The following SAMD12 variants were observed in gnomAD, a reference collection of about 807,000 sequenced individuals.
The protein encoded by SAMD12 is sterile alpha motif domain containing 12.
A neutral mutation model predicts 15.0 loss-of-function variants in SAMD12; 9 were observed. The observed-to-expected ratio is 0.60, with a 90% CI of 0.36 to 1.05. SAMD12 has a LOEUF of 1.05. Ranked by LOEUF, SAMD12 falls within the 50% of genes least tolerant of loss-of-function variation. SAMD12 has a pLI of 0.01. For missense variants in SAMD12, 230 were observed against 234.2 expected (o/e 0.98, Z 0.12); for synonymous variants, 86 against 90.1 (o/e 0.96, Z 0.25).
chr8:118,425,189 T>C (rs56066957), intron 3 of SAMD12, among the ~76,000 whole-genome samples: 1,550 of 152,192 alleles, frequency 0.01, 26 homozygotes, highest in African/African-American at 0.035. Context: ...CTGCCCGCCT[T>C]GGCCTCCCAA....
At chr8:118,214,072 C>G (rs1327753348) in intron 4 of SAMD12, among the ~76,000 whole-genome samples, 2 of 152,148 alleles carry the variant, frequency 1.3e-5, no homozygotes, top group African/African-American at 4.8e-5. Context: ...TACTGTCAAG[C>G]TTTTTTAGAT....
At chr8:118,325,423 TC>T (rs1328779359) in intron 4 of SAMD12, among the ~76,000 whole-genome samples, 32 of 152,020 alleles carry the variant, frequency 2.1e-4, no homozygotes, top group Admixed American at 2.1e-3. Flanking sequence ...ATTTCTTTGC[TC>T]CCCCGGGTTT....
chr8:118,343,549 GC>G (rs1382872101), intron 4 of SAMD12, among the ~76,000 whole-genome samples: 1 of 152,102 alleles, frequency 6.6e-6, no homozygotes, highest in Non-Finnish European at 1.5e-5. Flanking sequence ...AACAGGAGGG[GC>G]TGGGTTGGGA....
intron 4 of SAMD12, among the ~76,000 whole-genome samples, chr8:118,254,483 T>C (rs1812888468): frequency 6.6e-6 from 1 of 152,188 alleles, no homozygotes; most frequent in South Asian, 2.1e-4. Flanking sequence ...TCCTGTGTCA[T>C]CATCCATCTC....
At chr8:118,493,518 T>A (rs183931271) in intron 2 of SAMD12, among the ~76,000 whole-genome samples, 1 of 152,320 alleles carries the variant, frequency 6.6e-6, no homozygotes, top group African/African-American at 2.4e-5. Context: ...AATATCCATG[T>A]TCTATCCCTT....
At chr8:118,398,164 G>A (rs968372715) in intron 3 of SAMD12, among the ~76,000 whole-genome samples, 2 of 152,164 alleles carry the variant, frequency 1.3e-5, no homozygotes, top group African/African-American at 4.8e-5. Context: ...CACTTTGGGA[G>A]GCCGGGCAGA....
chr8:118,132,972 G>GTATATATATATA, the SAMD12 span, among the ~76,000 whole-genome samples: 2 of 48,254 alleles, frequency 4.1e-5, no homozygotes, highest in Non-Finnish European at 8.9e-5. Context: ...GTGTGTGTGT[G>GTATATATATATA]TATATATATA....
At chr8:118,456,219 G>C (rs1271928503) in intron 2 of SAMD12, among the ~76,000 whole-genome samples, 1 of 152,040 alleles carries the variant, frequency 6.6e-6, no homozygotes, top group Non-Finnish European at 1.5e-5. Flanking sequence ...CTTACTTTAG[G>C]GTGAGTAATG....
intron 2 of SAMD12, among the ~76,000 whole-genome samples, chr8:118,507,581 T>C (rs4242581): frequency 0.63 from 96,275 of 151,996 alleles, 30,679 homozygotes; most frequent in South Asian, 0.71. Flanking sequence ...TGCTGAACTA[T>C]GATATCAATA....
At chr8:118,554,423 T>C (rs1192835625) in intron 2 of SAMD12, among the ~76,000 whole-genome samples, 1 of 151,388 alleles carries the variant, frequency 6.6e-6, no homozygotes, top group East Asian at 1.9e-4. Context: ...CTCAGTAAAC[T>C]ATCGCAAGAA....
chr8:118,309,796 C>T (rs1234932842), intron 4 of SAMD12, among the ~76,000 whole-genome samples: 3 of 152,166 alleles, frequency 2.0e-5, no homozygotes, highest in Admixed American at 6.6e-5. Context: ...TCTCTGATGA[C>T]ATTAGTCCCA....
At position 118,200,193 on chromosome 8, in the gene SAMD12, C is replaced by G. The variant is rs149236781; in HGVS notation, c.434-2461G>C. ...CTGTGAGTCAATTAAACCTCTTTTC[C>G]TTTATAATTTACCCAGTCTGGTATG... On this transcript the variant is annotated intron_variant, in intron 4 of 4. Coordinates refer to the SAMD12 transcript ENST00000409003. 4.4e-3 allele frequency among the ~76,000 whole-genome samples: 664 copies of G among 152,184 alleles called. 4 individuals carry two copies. The highest frequency in any genetic ancestry group is 0.015 in the African/African-American group (627 of 41,504).
At chr8:118,450,163 A>G (rs1370013429) in intron 2 of SAMD12, among the ~76,000 whole-genome samples, 1 of 152,208 alleles carries the variant, frequency 6.6e-6, no homozygotes, top group Non-Finnish European at 1.5e-5. Context: ...GGATGCTTGT[A>G]TGCAACGCTG....
chr8:118,445,937 T>C (rs1465187114), intron 2 of SAMD12, among the ~76,000 whole-genome samples: 8 of 152,188 alleles, frequency 5.3e-5, no homozygotes, highest in Non-Finnish European at 4.4e-5. Context: ...TTGTAGCTTA[T>C]TCATATTTCC....
At chr8:118,252,841 G>T (rs1186519735) in intron 4 of SAMD12, among the ~76,000 whole-genome samples, 1 of 152,182 alleles carries the variant, frequency 6.6e-6, no homozygotes, top group Non-Finnish European at 1.5e-5. Flanking sequence ...AACTGTGGGG[G>T]ATAAGGCAAG....
intron 2 of SAMD12, among the ~76,000 whole-genome samples, chr8:118,546,664 G>A (rs1483187191): frequency 6.6e-6 from 1 of 152,116 alleles, no homozygotes; most frequent in Non-Finnish European, 1.5e-5. Context: ...GGAAAGCCCC[G>A]CTGCACCTCT....
intron 4 of SAMD12, among the ~76,000 whole-genome samples, chr8:118,237,723 A>G (rs529534148): frequency 2.0e-5 from 3 of 152,322 alleles, no homozygotes; most frequent in Admixed American, 6.5e-5. Flanking sequence ...TCTTTGCCCA[A>G]TAAAGTATTT....
downstream of SAMD12, among the ~76,000 whole-genome samples, chr8:118,376,540 AAG>A (rs1443060385): frequency 5.9e-5 from 9 of 152,148 alleles, no homozygotes; most frequent in Admixed American, 5.2e-4. Flanking sequence ...CCAGAATTGT[AAG>A]AGAGAAATTT....
intron 4 of SAMD12, among the ~76,000 whole-genome samples, chr8:118,338,350 CTTT>C (rs1304119592): frequency 6.6e-6 from 1 of 152,186 alleles, no homozygotes; most frequent in Non-Finnish European, 1.5e-5. Context: ...TTAATAACCA[CTTT>C]TTATTAATAG....
Sources: allele counts gnomAD v4.1 joint callset (sites outside exome capture counted in the v4.1 genomes callset), GRCh38; gene constraint gnomAD v4.1.1; transcripts MANE v1.5; gene names NCBI Gene and HGNC (gene_info 2026-07-23, HGNC 2026-07-21).